PID1: variants seen among roughly 807,000 people sequenced by gnomAD.
PID1 encodes PTB-containing, cubilin and LRP1-interacting protein.
PID1 carries 10 observed loss-of-function variants against 19.1 expected under a neutral mutation model. The ratio of observed to expected loss-of-function variants is 0.52; its 90% CI spans 0.32 to 0.89. The LOEUF (loss-of-function observed/expected upper bound fraction) is 0.89. PID1 is among the 40% of genes least tolerant of loss of function. The probability of loss-of-function intolerance (pLI) is 0.03; values close to 1 mark genes in which losing one functional copy is unlikely to be tolerated. For missense variants in PID1, 248 were observed against 285.3 expected (o/e 0.87, Z 0.94); for synonymous variants, 130 against 116.0 (o/e 1.12, Z -0.78).
At chr2:229,044,566 A>T (rs1439360315) in intron 2 of PID1, among the ~76,000 whole-genome samples, 2 of 152,196 alleles carry the variant, frequency 1.3e-5, no homozygotes, top group Non-Finnish European at 2.9e-5. Flanking sequence ...TTTGATACTG[A>T]ATCTAAGTTG....
At chr2:229,099,028 G>A (rs1027267248) in intron 2 of PID1, among the ~76,000 whole-genome samples, 5 of 152,126 alleles carry the variant, frequency 3.3e-5, no homozygotes, top group Non-Finnish European at 5.9e-5. Flanking sequence ...CTGGCCAAGT[G>A]CACTGAGGCT....
intron 1 of PID1, among the ~76,000 whole-genome samples, chr2:229,170,125 CA>C (rs1333510059): frequency 6.6e-6 from 1 of 152,146 alleles, no homozygotes; most frequent in Non-Finnish European, 1.5e-5. Context: ...TGACTTTGGC[CA>C]AGTCGCATGT....
intron 2 of PID1, among the ~76,000 whole-genome samples, chr2:229,149,609 C>T (rs1690205968): frequency 1.3e-5 from 2 of 152,132 alleles, no homozygotes; most frequent in Non-Finnish European, 2.9e-5. Context: ...GGCAAGGAAT[C>T]TCAAAAAAGG....
chr2:229,191,719 T>C (rs1226297981), intron 1 of PID1, among the ~76,000 whole-genome samples: 1 of 152,208 alleles, frequency 6.6e-6, no homozygotes, highest in Non-Finnish European at 1.5e-5. Flanking sequence ...CACTCTTAAA[T>C]TGGATTAAGA....
At chr2:229,210,323 T>C (rs1016533826) in intron 1 of PID1, among the ~76,000 whole-genome samples, 1 of 151,316 alleles carries the variant, frequency 6.6e-6, no homozygotes, top group Admixed American at 6.6e-5. Context: ...CCATCGTGGC[T>C]AACACAGTGA....
chr2:229,236,987 TACACACACACACACACACACACAC>T (rs201772514), intron 1 of PID1, among the ~76,000 whole-genome samples: 1 of 107,780 alleles, frequency 9.3e-6, no homozygotes, highest in Non-Finnish European at 2.0e-5. Context: ...TACACACACA[TACACACACACACACACACACACAC>T]ACACACACAC....
intron 1 of PID1, among the ~76,000 whole-genome samples, chr2:229,268,772 G>A (rs1690658640): frequency 6.6e-6 from 1 of 151,980 alleles, no homozygotes. Context: ...GTGGCAAAGT[G>A]GCTTCTCACT....
chr2:229,192,205 G>A (rs1251489797), intron 1 of PID1, among the ~76,000 whole-genome samples: 1 of 152,098 alleles, frequency 6.6e-6, no homozygotes, highest in African/African-American at 2.4e-5. Context: ...TTTGACAGTT[G>A]TCCTAGGAGT....
intron 2 of PID1, among the ~76,000 whole-genome samples, chr2:229,085,475 G>GATTGA (rs1334225215): frequency 6.6e-6 from 1 of 152,152 alleles, no homozygotes; most frequent in Non-Finnish European, 1.5e-5. Flanking sequence ...AGCTGTGTTG[G>GATTGA]ATTGAATTGA....
chr2:229,094,151 A>T (rs1346252349), intron 2 of PID1, among the ~76,000 whole-genome samples: 1 of 152,142 alleles, frequency 6.6e-6, no homozygotes, highest in African/African-American at 2.4e-5. Context: ...ACCAACAACA[A>T]CCAAGCTGGA....
intron 2 of PID1, among the ~76,000 whole-genome samples, chr2:229,101,645 G>A (rs1400500095): frequency 6.6e-6 from 1 of 152,092 alleles, no homozygotes; most frequent in Non-Finnish European, 1.5e-5. Context: ...AGAAATGGAA[G>A]TGCAGAGAAG....
At chr2:229,269,156 C>G (rs940708589) in intron 1 of PID1, among the ~76,000 whole-genome samples, 1 of 150,768 alleles carries the variant, frequency 6.6e-6, no homozygotes, top group Non-Finnish European at 1.5e-5. Flanking sequence ...AACAGTGACT[C>G]GGTCTTATTG....
chr2:229,154,113 T>C (rs901171681), intron 2 of PID1, among the ~76,000 whole-genome samples: 2 of 152,026 alleles, frequency 1.3e-5, no homozygotes, highest in African/African-American at 4.8e-5. Context: ...CAATAGCTCT[T>C]GGGAAGTTGG....
At chr2:229,090,879 G>A (rs1042153878) in intron 2 of PID1, among the ~76,000 whole-genome samples, 17 of 152,162 alleles carry the variant, frequency 1.1e-4, no homozygotes, top group African/African-American at 3.4e-4. Flanking sequence ...TGAAACCAGG[G>A]TAGTGATGGG....
intron 1 of PID1, among the ~76,000 whole-genome samples, chr2:229,221,021 G>C (rs527390960): frequency 6.6e-6 from 1 of 152,108 alleles, no homozygotes; most frequent in Admixed American, 6.5e-5. Flanking sequence ...TGAATTGGCC[G>C]ATCAGTGTAG....
intron 2 of PID1, among the ~76,000 whole-genome samples, chr2:229,044,072 G>A (rs1299554164): frequency 6.6e-6 from 1 of 152,194 alleles, no homozygotes; most frequent in Non-Finnish European, 1.5e-5. Flanking sequence ...TCTTTTTAAA[G>A]AGAACTTTAT....
chr2:229,139,057 GAGAAAGAAAGAAAGAA>G (rs10701076), intron 2 of PID1, among the ~76,000 whole-genome samples: 21 of 45,620 alleles, frequency 4.6e-4, no homozygotes, highest in South Asian at 8.8e-4. Context: ...AAGAAAGAAA[GAGAAAGAAAGAAAGAA>G]AGAAAGAAAG....
intron 2 of PID1, among the ~76,000 whole-genome samples, chr2:229,088,915 C>G (rs1036168548): frequency 6.6e-6 from 1 of 152,124 alleles, no homozygotes; most frequent in Admixed American, 6.5e-5. Context: ...GTTAGAGTCA[C>G]TGGAATAAAT....
At chr2:229,036,416 G>C (rs540449684) in intron 2 of PID1, among the ~76,000 whole-genome samples, 1 of 152,210 alleles carries the variant, frequency 6.6e-6, no homozygotes, top group Non-Finnish European at 1.5e-5. Flanking sequence ...TACCATTTTG[G>C]GGTCTGTCTT....
Sources: gnomAD v4.1 joint callset for allele counts (sites outside exome capture counted in the v4.1 genomes callset) on GRCh38, gnomAD v4.1.1 for gene constraint, MANE v1.5 for transcripts, NCBI Gene and HGNC (gene_info 2026-07-23, HGNC 2026-07-21) for gene names.